Variants in UGT1A8 observed in about 807,000 individuals in gnomAD.
The protein encoded by UGT1A8 is UDP glucuronosyltransferase family 1 member A8.
A neutral mutation model predicts 45.3 loss-of-function variants in UGT1A8; 39 were observed. The observed-to-expected ratio is 0.86, with a 90% CI of 0.67 to 1.12. The LOEUF (loss-of-function observed/expected upper bound fraction) is 1.12. UGT1A8 is among the 50% of genes most tolerant of loss of function. UGT1A8 has a pLI of 0.00. For synonymous variants in UGT1A8, 275 were observed against 249.2 expected (o/e 1.10, Z -0.97); for missense variants, 719 against 664.9 (o/e 1.08, Z -0.90).
intron 1 of UGT1A8, among the ~76,000 whole-genome samples, chr2:233,723,417 T>C (rs2077082381): frequency 7.4e-6 from 1 of 134,694 alleles, no homozygotes; most frequent in African/African-American, 3.0e-5. Flanking sequence ...ACCATACTGG[T>C]CAGGCTGGTC....
At chr2:233,730,901 C>A (rs2078088163) in intron 1 of UGT1A8, among the ~76,000 whole-genome samples, 1 of 152,116 alleles carries the variant, frequency 6.6e-6, no homozygotes, top group Non-Finnish European at 1.5e-5. Flanking sequence ...TACTCCTTTA[C>A]CAAAAATTTC....
intron 1 of UGT1A8, among the ~76,000 whole-genome samples, chr2:233,707,717 A>G (rs1575486926): frequency 6.6e-6 from 1 of 152,192 alleles, no homozygotes; most frequent in Non-Finnish European, 1.5e-5. Context: ...ACTACTGTGA[A>G]CAATGTTACA....
intron 1 of UGT1A8, chr2:233,747,418 T>A: frequency 6.2e-7 from 1 of 1,607,692 alleles, no homozygotes; most frequent in Non-Finnish European, 8.5e-7. Flanking sequence ...AATATGCACA[T>A]CAAACAAGAG....
At chr2:233,727,049 G>A (rs1171509932) in intron 1 of UGT1A8, among the ~76,000 whole-genome samples, 1 of 152,178 alleles carries the variant, frequency 6.6e-6, no homozygotes, top group Non-Finnish European at 1.5e-5. Flanking sequence ...ACCCCAAGAT[G>A]TGAAGATTAG....
intron 1 of UGT1A8, among the ~76,000 whole-genome samples, chr2:233,708,986 G>A (rs4663327): frequency 0.15 from 22,905 of 151,890 alleles, 2,054 homozygotes; most frequent in South Asian, 0.24. Flanking sequence ...TTCCTCGGCC[G>A]TGGCATCCTT....
At chr2:233,681,797 G>T in intron 1 of UGT1A8, 1 of 1,472,342 alleles carries the variant, frequency 6.8e-7, no homozygotes. Flanking sequence ...GTAAATCATT[G>T]GCAGTGAATG....
intron 1 of UGT1A8, among the ~76,000 whole-genome samples, chr2:233,744,268 G>C (rs975143580): frequency 2.0e-5 from 3 of 151,806 alleles, no homozygotes; most frequent in African/African-American, 7.3e-5. Context: ...TTTTCTTAAA[G>C]TAGGCTTTAT....
At chr2:233,749,097 G>C (rs753925486) in intron 1 of UGT1A8, among the ~76,000 whole-genome samples, 1 of 151,770 alleles carries the variant, frequency 6.6e-6, no homozygotes, top group Non-Finnish European at 1.5e-5. Context: ...TATTTCATGA[G>C]AGAATTCAGC....
chr2:233,750,234 G>T (rs928737676), intron 1 of UGT1A8, among the ~76,000 whole-genome samples: 6 of 151,846 alleles, frequency 4.0e-5, no homozygotes, highest in African/African-American at 1.5e-4. Flanking sequence ...GGAACTTATT[G>T]GGAACTGGAA....
chr2:233,689,896 C>G (rs2074964875), intron 1 of UGT1A8: 1 of 456,544 alleles, frequency 2.2e-6, no homozygotes, highest in African/African-American at 2.0e-5. Context: ...ATTTATTTCT[C>G]AGGGCCAGGT....
At chr2:233,748,299 A>G (rs891574049) in intron 1 of UGT1A8, among the ~76,000 whole-genome samples, 4 of 151,748 alleles carry the variant, frequency 2.6e-5, no homozygotes, top group African/African-American at 9.7e-5. Flanking sequence ...ATGAATGTTT[A>G]TCAAAGGATG....
At chr2:233,672,273 C>A (rs760653064) in intron 1 of UGT1A8, 1 of 1,613,852 alleles carries the variant, frequency 6.2e-7, no homozygotes, top group Non-Finnish European at 8.5e-7. Context: ...TGGGTTCATA[C>A]AATGACATTT....
intron 1 of UGT1A8, among the ~76,000 whole-genome samples, chr2:233,621,178 C>T (rs1158872141): frequency 2.0e-5 from 3 of 152,158 alleles, no homozygotes; most frequent in Non-Finnish European, 4.4e-5. Flanking sequence ...AGGGGATAAA[C>T]TTTTAAACTT....
intron 1 of UGT1A8, among the ~76,000 whole-genome samples, chr2:233,634,524 T>C (rs910649984): frequency 1.3e-5 from 2 of 152,326 alleles, no homozygotes; most frequent in East Asian, 3.9e-4. Flanking sequence ...TGGTTAGCTC[T>C]TCTTGTTACA....
At chr2:233,762,499 T>G (rs1698093030) in intron 1 of UGT1A8, among the ~76,000 whole-genome samples, 1 of 152,234 alleles carries the variant, frequency 6.6e-6, no homozygotes, top group African/African-American at 2.4e-5. Context: ...GCTATTACTT[T>G]TTAAACTATG....
intron 1 of UGT1A8, among the ~76,000 whole-genome samples, chr2:233,667,093 A>G (rs535452616): frequency 6.6e-6 from 1 of 152,320 alleles, no homozygotes; most frequent in Non-Finnish European, 1.5e-5. Flanking sequence ...TATTGTGAAT[A>G]GTGCTGCAAT....
At chr2:233,627,101 T>C (rs923831758) in intron 1 of UGT1A8, among the ~76,000 whole-genome samples, 2 of 152,102 alleles carry the variant, frequency 1.3e-5, no homozygotes, top group African/African-American at 4.8e-5. Context: ...AGAGTTAGCC[T>C]ATCCCTTCCT....
At chr2:233,633,445 GTTT>G (rs2073226475) in intron 1 of UGT1A8, among the ~76,000 whole-genome samples, 1 of 151,954 alleles carries the variant, frequency 6.6e-6, no homozygotes, top group Admixed American at 6.6e-5. Flanking sequence ...GGTCCTGGGT[GTTT>G]TTGGTGGGTA....
chr2:233,717,406 G>A (rs1313287999), intron 1 of UGT1A8, among the ~76,000 whole-genome samples: 2 of 152,170 alleles, frequency 1.3e-5, no homozygotes, highest in African/African-American at 4.8e-5. Flanking sequence ...TCCTGCATAT[G>A]CCTCCCTTGA....
Sources: allele counts gnomAD v4.1 joint callset (sites outside exome capture counted in the v4.1 genomes callset), GRCh38; gene constraint gnomAD v4.1.1; transcripts MANE v1.5; gene names NCBI Gene and HGNC (gene_info 2026-07-23, HGNC 2026-07-21).